TENM3: variants seen among roughly 807,000 people sequenced by gnomAD.
TENM3 encodes the protein teneurin-3.
TENM3 carries 63 observed loss-of-function variants against 255.1 expected under a neutral mutation model. The observed-to-expected ratio is 0.25, with a 90% CI of 0.20 to 0.30. The LOEUF (loss-of-function observed/expected upper bound fraction) is 0.30, where lower values mean the gene tolerates loss of function less well. Among genes scored for constraint, TENM3 ranks in the 10% least tolerant of loss-of-function variants. The pLI is 1.00. For missense variants in TENM3, 2,929 were observed against 3,461.1 expected (o/e 0.85, Z 3.86); for synonymous variants, 1,306 against 1,322.3 (o/e 0.99, Z 0.27).
intron 13 of TENM3, among the ~76,000 whole-genome samples, chr4:182,717,520 C>T (rs1759302083): frequency 6.6e-6 from 1 of 152,144 alleles, no homozygotes; most frequent in Non-Finnish European, 1.5e-5. Context: ...AGTAAGGTAT[C>T]CCCCTCATCT....
chr4:182,189,379 G>A lies in TENM3; in HGVS notation c.-76+44625G>A, dbSNP rs1484304764. The stretch of plus-strand genomic sequence containing the variant: ...AGCACAGACTCCATAATGAGTGGAC[G>A]ATTTTCACTCTACATACTACATCCG... On this transcript the variant is annotated intron_variant, in intron 1 of 2. Transcript: ENST00000512480. Among the ~76,000 whole-genome samples the A allele has an allele frequency of 3.9e-5, 6 of 152,132 alleles. No individual in the cohort carries two copies. In the South Asian group the frequency reaches 8.3e-4, roughly 21 times the overall value.
the TENM3 span, among the ~76,000 whole-genome samples, chr4:182,119,962 A>G: frequency 6.6e-6 from 1 of 152,138 alleles, no homozygotes. Context: ...TCAGCCTCTC[A>G]AAGTGCTGGG....
the TENM3 span, among the ~76,000 whole-genome samples, chr4:181,535,115 G>A: frequency 1.3e-5 from 2 of 152,242 alleles, no homozygotes; most frequent in Non-Finnish European, 2.9e-5. Context: ...GCCAAAAAGA[G>A]TCTCCGGATG....
At chr4:182,182,301 T>C (rs1752892349) in intron 1 of TENM3, among the ~76,000 whole-genome samples, 1 of 152,208 alleles carries the variant, frequency 6.6e-6, no homozygotes, top group South Asian at 2.1e-4. Flanking sequence ...CTACCGCCTA[T>C]TAAAATGTTA....
chr4:181,605,277 C>G, the TENM3 span, among the ~76,000 whole-genome samples: 1 of 151,508 alleles, frequency 6.6e-6, no homozygotes, highest in East Asian at 2.0e-4. Context: ...AACCCCATCT[C>G]TACTAAAAAG....
At chr4:181,789,214 C>G in the TENM3 span, among the ~76,000 whole-genome samples, 2 of 137,270 alleles carry the variant, frequency 1.5e-5, no homozygotes, top group Non-Finnish European at 3.4e-5. Context: ...AAAGAGCCCC[C>G]TTTATTTATT....
At chr4:182,460,841 T>C (rs1051992293) in intron 3 of TENM3, among the ~76,000 whole-genome samples, 3 of 152,222 alleles carry the variant, frequency 2.0e-5, no homozygotes, top group Admixed American at 6.5e-5. Flanking sequence ...TGTTTTTCTA[T>C]AAAATAAGAA....
At chr4:182,496,331 T>C (rs1347464025) in intron 3 of TENM3, among the ~76,000 whole-genome samples, 1 of 152,192 alleles carries the variant, frequency 6.6e-6, no homozygotes, top group Non-Finnish European at 1.5e-5. Context: ...CACTTCCTTT[T>C]ACAGAAATGA....
chr4:182,048,032 A>T, the TENM3 span, among the ~76,000 whole-genome samples: 9 of 152,066 alleles, frequency 5.9e-5, no homozygotes, highest in Non-Finnish European at 1.2e-4. Flanking sequence ...ACCTAAATAA[A>T]CCTCTTTAAT....
chr4:182,112,709 G>A, the TENM3 span, among the ~76,000 whole-genome samples: 3 of 152,146 alleles, frequency 2.0e-5, no homozygotes, highest in African/African-American at 7.2e-5. Context: ...ATACAAAGTT[G>A]AGCACATTTG....
At chr4:181,939,697 G>C in the TENM3 span, among the ~76,000 whole-genome samples, 1 of 152,208 alleles carries the variant, frequency 6.6e-6, no homozygotes, top group Non-Finnish European at 1.5e-5. Flanking sequence ...AGCTATATAA[G>C]GGGTTGGGGT....
the TENM3 span, among the ~76,000 whole-genome samples, chr4:181,920,019 T>C: frequency 1.3e-5 from 2 of 151,744 alleles, no homozygotes. Flanking sequence ...TTACTGAGAA[T>C]GATGATTTCC....
At chr4:181,575,684 C>T in the TENM3 span, among the ~76,000 whole-genome samples, 1 of 152,124 alleles carries the variant, frequency 6.6e-6, no homozygotes, top group Non-Finnish European at 1.5e-5. Context: ...TGAATCAGTG[C>T]TCTTACACTT....
At chr4:182,314,664 T>C (rs1032197045) in intron 1 of TENM3, among the ~76,000 whole-genome samples, 3 of 152,262 alleles carry the variant, frequency 2.0e-5, no homozygotes, top group Admixed American at 2.0e-4. Context: ...TGTTGTTATA[T>C]TTAAGTGTGT....
At chr4:182,055,970 T>A in the TENM3 span, among the ~76,000 whole-genome samples, 1 of 151,496 alleles carries the variant, frequency 6.6e-6, no homozygotes, top group African/African-American at 2.4e-5. Flanking sequence ...AATAAAAGAG[T>A]TAAAAATCGT....
intron 1 of TENM3, among the ~76,000 whole-genome samples, chr4:182,267,490 T>C (rs927794362): frequency 6.6e-5 from 10 of 152,156 alleles, no homozygotes; most frequent in Admixed American, 5.9e-4. Context: ...ACCAACCTCA[T>C]ACCTTGCCTA....
the TENM3 span, among the ~76,000 whole-genome samples, chr4:181,580,451 G>A: frequency 2.6e-5 from 4 of 152,102 alleles, no homozygotes; most frequent in African/African-American, 9.7e-5. Context: ...GAGAGAGTGG[G>A]GAGTCTCTGT....
chr4:182,558,035 G>A (rs1035459852), intron 3 of TENM3, among the ~76,000 whole-genome samples: 5 of 152,054 alleles, frequency 3.3e-5, no homozygotes, highest in East Asian at 1.9e-4. Context: ...TTTCATCTAC[G>A]GCTACGATCC....
the TENM3 span, among the ~76,000 whole-genome samples, chr4:182,116,032 T>C: frequency 3.4e-4 from 51 of 150,722 alleles, no homozygotes; most frequent in African/African-American, 1.2e-3. Context: ...GAACCTACAT[T>C]GATGACACAT....
Sources: gnomAD v4.1 joint callset for allele counts (sites outside exome capture counted in the v4.1 genomes callset) on GRCh38, gnomAD v4.1.1 for gene constraint, MANE v1.5 for transcripts, NCBI Gene and HGNC (gene_info 2026-07-23, HGNC 2026-07-21) for gene names.